Variants in UST observed in about 807,000 individuals in gnomAD.
The protein encoded by UST is chondroitin sulfate 2-O-sulfotransferase.
A neutral mutation model predicts 45.6 loss-of-function variants in UST; 21 were observed. The observed-to-expected ratio is 0.46, with a 90% confidence interval of 0.33 to 0.66. UST has a LOEUF of 0.66. Among genes scored for constraint, UST ranks in the 30% least tolerant of loss-of-function variants. UST has a pLI of 0.02. For synonymous variants in UST, 215 were observed against 200.6 expected (o/e 1.07, Z -0.61); for missense variants, 463 against 512.4 (o/e 0.90, Z 0.93).
chr6:148,844,341 G>A (rs1777943856), intron 1 of UST, among the ~76,000 whole-genome samples: 1 of 152,148 alleles, frequency 6.6e-6, no homozygotes, highest in Non-Finnish European at 1.5e-5. Context: ...CTTGCCCCAG[G>A]TCTTACAGTT....
intron 2 of UST, among the ~76,000 whole-genome samples, chr6:148,902,159 G>A (rs1779272152): frequency 6.6e-6 from 1 of 152,088 alleles, no homozygotes; most frequent in African/African-American, 2.4e-5. Context: ...TAAGTTTCAT[G>A]TACCATTCCA....
intron 1 of UST, among the ~76,000 whole-genome samples, chr6:148,781,916 T>C (rs938031667): frequency 2.0e-5 from 3 of 152,232 alleles, no homozygotes; most frequent in Non-Finnish European, 4.4e-5. Flanking sequence ...GAAAAACAGA[T>C]TCCTTTCAAA....
intron 7 of UST, among the ~76,000 whole-genome samples, chr6:149,047,757 C>A (rs533092567): frequency 6.6e-6 from 1 of 152,310 alleles, no homozygotes; most frequent in East Asian, 1.9e-4. Flanking sequence ...ATTTTCCTCA[C>A]ATGAGCATAT....
intron 1 of UST, among the ~76,000 whole-genome samples, chr6:148,811,756 G>A (rs1325467182): frequency 2.6e-5 from 4 of 152,336 alleles, no homozygotes; most frequent in South Asian, 2.1e-4. Flanking sequence ...GAACCAGGCA[G>A]AAGCTGTAGG....
At chr6:148,905,447 A>G (rs949698346) in intron 2 of UST, among the ~76,000 whole-genome samples, 1 of 152,182 alleles carries the variant, frequency 6.6e-6, no homozygotes, top group African/African-American at 2.4e-5. Context: ...AGAATTGTCA[A>G]TGTATCCCCC....
Position 148,944,508 on chromosome 6 carries a change from TACACACACAC to T in UST, c.447+3104_447+3113del, listed in dbSNP as rs10663979. On this transcript the variant is annotated intron_variant, in intron 3 of 7. Transcript: ENST00000367463. ...GCTCTCTGGAGGGTAGTTGTGATCA[TACACACACAC>T]ACACACACACACACACACACACACA... Among the ~76,000 whole-genome samples the T allele has an allele frequency of 6.8e-3, 964 of 142,628 alleles. 67 individuals carry two copies. In the East Asian group the frequency reaches 0.15, roughly 22 times the overall value. The allele number at this position is 142,628 out of a possible 152,430, so 93.6% of individuals were successfully genotyped here. A position where few individuals can be genotyped will look rare whatever the true frequency, so the allele number is the denominator to read the frequency against.
At chr6:149,069,055 G>A (rs1195946686) in intron 7 of UST, among the ~76,000 whole-genome samples, 1 of 152,172 alleles carries the variant, frequency 6.6e-6, no homozygotes, top group Non-Finnish European at 1.5e-5. Flanking sequence ...CATCCATGTT[G>A]ATGCAAATGA....
At chr6:148,914,156 G>A (rs1434439509) in intron 2 of UST, among the ~76,000 whole-genome samples, 1 of 152,186 alleles carries the variant, frequency 6.6e-6, no homozygotes, top group Non-Finnish European at 1.5e-5. Flanking sequence ...CATAAGTGGT[G>A]CTGAATGTTT....
At chr6:149,017,799 T>TATATATAC (rs956279478) in intron 5 of UST, among the ~76,000 whole-genome samples, 7 of 148,914 alleles carry the variant, frequency 4.7e-5, no homozygotes, top group African/African-American at 1.7e-4. Context: ...TATCCATATA[T>TATATATAC]ACACACACAC....
intron 2 of UST, among the ~76,000 whole-genome samples, chr6:148,895,875 A>C (rs1385338258): frequency 6.6e-6 from 1 of 152,218 alleles, no homozygotes; most frequent in Non-Finnish European, 1.5e-5. Context: ...GGACTAATAC[A>C]CAAAACTACC....
At chr6:148,830,007 A>T (rs1231154480) in intron 1 of UST, among the ~76,000 whole-genome samples, 2 of 152,256 alleles carry the variant, frequency 1.3e-5, no homozygotes, top group Non-Finnish European at 2.9e-5. Context: ...TAAAAGATGG[A>T]TGATGAATGC....
At chr6:148,946,481 A>G (rs1780238184) in intron 3 of UST, among the ~76,000 whole-genome samples, 1 of 137,076 alleles carries the variant, frequency 7.3e-6, no homozygotes, top group Non-Finnish European at 1.5e-5. Context: ...ACTGCACTCC[A>G]GCCTGGGCGA....
At chr6:148,960,536 G>T (rs1780632929) in intron 4 of UST, among the ~76,000 whole-genome samples, 3 of 152,142 alleles carry the variant, frequency 2.0e-5, no homozygotes, top group Non-Finnish European at 2.9e-5. Flanking sequence ...TTGGCAGAAT[G>T]GTGGTTACCA....
rs34342100 is a variant in UST at position 148,748,399 on chromosome 6, T to TTGTGTGTGTG, written c.247+767_247+776dup. On this transcript the variant is annotated intron_variant, in intron 1 of 7. Coordinates refer to ENST00000367463, the MANE Select transcript of UST (RefSeq NM_005715.3). This position sits in a 1 kb window ranked among gnomAD's most constrained non-coding sequence, Gnocchi z 5.3. ...GTGCGTCTCAAGCTCAAGTCAAAAC[T>TTGTGTGTGTG]TGTGTGTGTGTGTGTGTGTGTGTGT... Among the ~76,000 whole-genome samples, 217 of 127,612 alleles carry TTGTGTGTGTG rather than the reference T, an allele frequency of 1.7e-3. 1 individual carries two copies. The highest frequency in any genetic ancestry group is 4.6e-3 in the East Asian group (18 of 3,952). The allele number at this position is 127,612 out of a possible 152,430, so 83.7% of individuals were successfully genotyped here.
intron 7 of UST, among the ~76,000 whole-genome samples, chr6:149,042,397 C>T (rs1453194099): frequency 6.6e-6 from 1 of 152,182 alleles, no homozygotes; most frequent in Non-Finnish European, 1.5e-5. Context: ...TCCTGCCATT[C>T]CTCTCATTAG....
At chr6:148,768,889 A>G (rs1383776524) in intron 1 of UST, among the ~76,000 whole-genome samples, 1 of 152,152 alleles carries the variant, frequency 6.6e-6, no homozygotes, top group Non-Finnish European at 1.5e-5. Flanking sequence ...TGCCTCTCTC[A>G]GCTATGATTC....
At chr6:148,784,514 T>C (rs891584325) in intron 1 of UST, among the ~76,000 whole-genome samples, 1 of 152,226 alleles carries the variant, frequency 6.6e-6, no homozygotes, top group African/African-American at 2.4e-5. Flanking sequence ...AAAGGGAAGC[T>C]ATATCAGGCA....
At chr6:148,890,038 C>T (rs1330184879) in intron 2 of UST, among the ~76,000 whole-genome samples, 1 of 152,102 alleles carries the variant, frequency 6.6e-6, no homozygotes, top group Non-Finnish European at 1.5e-5. Flanking sequence ...AAATTGGGAG[C>T]ATAATCTCTT....
At chr6:148,989,370 G>A (rs1235218484) in intron 5 of UST, among the ~76,000 whole-genome samples, 1 of 152,098 alleles carries the variant, frequency 6.6e-6, no homozygotes, top group Non-Finnish European at 1.5e-5. Context: ...AGAAATCCAA[G>A]TCCTGAATTT....
Sources: allele counts gnomAD v4.1 joint callset (sites outside exome capture counted in the v4.1 genomes callset), GRCh38; gene constraint gnomAD v4.1.1; non-coding constraint Gnocchi (gnomAD v3.1); transcripts MANE v1.5; gene names NCBI Gene and HGNC (gene_info 2026-07-23, HGNC 2026-07-21).